RAF1: variants seen among roughly 807,000 people sequenced by gnomAD.
The protein encoded by RAF1 is Raf-1 proto-oncogene, serine/threonine kinase, also known as RAF proto-oncogene serine/threonine-protein kinase.
RAF1 carries 27 observed loss-of-function variants against 81.1 expected under a neutral mutation model. The observed-to-expected ratio is 0.33, with a 90% CI of 0.25 to 0.46. The LOEUF (loss-of-function observed/expected upper bound fraction) is 0.46, where lower values mean the gene tolerates loss of function less well. Among genes scored for constraint, RAF1 ranks in the 20% least tolerant of loss-of-function variants. The pLI is 1.00. For missense variants in RAF1, 598 were observed against 826.0 expected, an observed-to-expected ratio of 0.72 and a Z score of 3.38; for synonymous variants, 298 against 294.0, an observed-to-expected ratio of 1.01 and a Z score of -0.14.
intron 8 of RAF1, among the ~76,000 whole-genome samples, chr3:12,602,260 G>T (rs1161659491): frequency 1.3e-5 from 2 of 152,086 alleles, no homozygotes; most frequent in East Asian, 3.8e-4. Flanking sequence ...TTTGAATAAA[G>T]CAACAATTAG....
At chr3:12,599,372 G>A in intron 11 of RAF1, 2 of 340,240 alleles carry the variant, frequency 5.9e-6, no homozygotes, top group South Asian at 3.5e-5. Context: ...CTCCATAGCA[G>A]CAGACTCTTG....
chr3:12,636,742 G>T (rs550098367), intron 1 of RAF1, among the ~76,000 whole-genome samples: 1 of 152,116 alleles, frequency 6.6e-6, no homozygotes, highest in African/African-American at 2.4e-5. Context: ...GGGAGGTGGA[G>T]GCTGCTGTGA....
At position 12,620,854 on chromosome 3, in the gene RAF1, GTTTAAA is replaced by G. The variant is rs894963415; in HGVS notation, c.-26-2113_-26-2108del. Among the ~76,000 whole-genome samples, 20 of 152,146 alleles carry G rather than the reference GTTTAAA, an allele frequency of 1.3e-4. 2 individuals are homozygous for G. Among genetic ancestry groups the G allele is most frequent in the Admixed American group, 3.3e-4 (5 of 15,276 alleles). On this transcript the variant is annotated intron_variant, in intron 1 of 17. Transcript: ENST00000442415. ...GGTAAAATAACCAGATTCTTTATCT[GTTTAAA>G]TTTAAAGTCCATGAATTTTCTACCA...
At chr3:12,637,347 A>ATT (rs67289280) in intron 1 of RAF1, among the ~76,000 whole-genome samples, 141 of 149,888 alleles carry the variant, frequency 9.4e-4, no homozygotes, top group Admixed American at 3.7e-3. Flanking sequence ...TTCTATTAAC[A>ATT]TTTTTTTTTT....
At chr3:12,629,266 A>G (rs1269087135) in intron 1 of RAF1, among the ~76,000 whole-genome samples, 3 of 152,204 alleles carry the variant, frequency 2.0e-5, no homozygotes, top group Admixed American at 6.5e-5. Flanking sequence ...TGTCCATGAA[A>G]AAACACAAAC....
chr3:12,628,309 T>C (rs2059766086), intron 1 of RAF1, among the ~76,000 whole-genome samples: 1 of 151,974 alleles, frequency 6.6e-6, no homozygotes, highest in Non-Finnish European at 1.5e-5. Flanking sequence ...GGTAGGAAGA[T>C]CACTTAAGCC....
At chr3:12,637,371 G>A (rs1194286920) in intron 1 of RAF1, among the ~76,000 whole-genome samples, 4 of 150,400 alleles carry the variant, frequency 2.7e-5, no homozygotes, top group South Asian at 2.1e-4. Context: ...ACGGAGTTTC[G>A]CTCTTTTGCC....
In RAF1 at chr3:12,585,103, C is replaced by A. The variant is rs5746245; in HGVS notation, c.1728+19G>T. The A allele has an allele frequency of 2.7e-4, 428 of 1,614,084 alleles. 1 individual carries two copies. In the East Asian group the frequency reaches 4.5e-3, roughly 17 times the overall value. On this transcript the variant is annotated intron_variant, in intron 16 of 17. Transcript: ENST00000442415. ...GGGGCTCCCACGAGTTGGGTCCTTTCGCACCAGCACAGACTTACCTGATCT... is the reference window on the plus strand; with the variant it reads ...GGGGCTCCCACGAGTTGGGTCCTTTAGCACCAGCACAGACTTACCTGATCT...
chr3:12,632,512 A>G (rs1005270461), intron 1 of RAF1, among the ~76,000 whole-genome samples: 5 of 152,210 alleles, frequency 3.3e-5, no homozygotes, highest in African/African-American at 1.2e-4. Flanking sequence ...AGTTTAGAGA[A>G]GGTAAAGATA....
rs2125397615 is a variant in RAF1, at chr3:12,604,190, T to A, written c.780A>T (p.Thr260=). Reference sequence around the variant, plus strand: ...TGGTGCTGACCATGTGGACATTAGGTGTGGATGTCGACCTCTGCCTCTGGG... The same window carrying A: ...TGGTGCTGACCATGTGGACATTAGGAGTGGATGTCGACCTCTGCCTCTGGG... The change falls in exon 7 of 18, where the codon ACA becomes ACT. Residue 260 remains threonine (T), a synonymous_variant. Coordinates refer to ENST00000442415, the MANE Select transcript of RAF1 (RefSeq NM_001354689.3). 1 of 1,614,032 alleles carries A rather than the reference T, an allele frequency of 6.2e-7. No homozygotes were observed. The highest frequency in any genetic ancestry group is 8.5e-7 in the Non-Finnish European group (1 of 1,180,008).
chr3:12,617,178 T>C (rs2059394747), intron 2 of RAF1, among the ~76,000 whole-genome samples: 1 of 152,146 alleles, frequency 6.6e-6, no homozygotes, highest in African/African-American at 2.4e-5. Flanking sequence ...AGTGGCGCAA[T>C]CCTGGCCCAC....
chr3:12,603,589 T>G (rs2058931435), intron 7 of RAF1: 2 of 682,860 alleles, frequency 2.9e-6, no homozygotes. Context: ...AGGAAGTATT[T>G]AAGTGTATTC....
In RAF1 at chr3:12,609,349, A is replaced by C; in HGVS notation, c.321-14T>G. 1 of 1,541,574 alleles carries C rather than the reference A, an allele frequency of 6.5e-7. No homozygotes were observed. The highest frequency in any genetic ancestry group is 9.0e-7 in the Non-Finnish European group (1 of 1,115,102). ...CGTGCTTTTTTACTAGAAAGGATTT[A>C]AAAAAAACATGAAATGTTTAAACAA... is the stretch of plus-strand genomic sequence containing the variant. On this transcript the variant is annotated splice_polypyrimidine_tract_variant and intron_variant, in intron 3 of 17. Transcript: ENST00000442415.
At chr3:12,620,121 G>GT (rs1365045615) in intron 1 of RAF1, among the ~76,000 whole-genome samples, 3 of 152,116 alleles carry the variant, frequency 2.0e-5, no homozygotes, top group Admixed American at 1.3e-4. Context: ...TTTAATTTGT[G>GT]TAAGAACCCC....
intron 7 of RAF1, among the ~76,000 whole-genome samples, 194 bp downstream of exon 7, chr3:12,603,942 G>C (rs903232078): frequency 4.6e-5 from 7 of 152,168 alleles, no homozygotes; most frequent in Non-Finnish European, 1.0e-4. Flanking sequence ...TAGTTCTCCA[G>C]TTGAATGATA....
At chr3:12,596,196 T>C (rs2058682147) in intron 11 of RAF1, among the ~76,000 whole-genome samples, 1 of 86 alleles carries the variant, frequency 0.012, no homozygotes, top group African/African-American at 0.083. Flanking sequence ...TTTTCTTTCT[T>C]TTTTTTTTTT....
rs745566627 is a variant in RAF1 at position 12,604,130 on chromosome 3, T to C, written c.834+6A>G. On this transcript the variant is annotated splice_donor_region_variant and intron_variant, in intron 7 of 17. Coordinates refer to ENST00000442415, the MANE Select transcript of RAF1 (RefSeq NM_001354689.3). ...TGACATTACCACCCCCAAGGTGCCC[T>C]ATTACCTCAATCATCCTGCTGTCCA... is the stretch of plus-strand genomic sequence containing the variant. 1.9e-6 allele frequency: 3 copies of C among 1,614,050 alleles called. No homozygotes were observed. In the South Asian group the frequency reaches 3.3e-5, roughly 18 times the overall value.
At chr3:12,634,687 G>C (rs958042577) in intron 1 of RAF1, among the ~76,000 whole-genome samples, 11 of 152,074 alleles carry the variant, frequency 7.2e-5, no homozygotes, top group African/African-American at 2.4e-4. Context: ...GAGTGCCAGG[G>C]AGGGAGGAAG....
intron 1 of RAF1, among the ~76,000 whole-genome samples, chr3:12,624,445 T>C (rs1419140026): frequency 6.6e-6 from 1 of 152,312 alleles, no homozygotes; most frequent in East Asian, 1.9e-4. Context: ...AGAAACCCTG[T>C]TGATACTACC....
Sources: allele counts gnomAD v4.1 joint callset (sites outside exome capture counted in the v4.1 genomes callset), GRCh38; gene constraint gnomAD v4.1.1; transcripts MANE v1.5; gene names NCBI Gene and HGNC (gene_info 2026-07-23, HGNC 2026-07-21).